CCNY: variants seen among roughly 807,000 people sequenced by gnomAD.
The protein encoded by CCNY is cyclin-Y.
Under a neutral mutation model 42.8 loss-of-function variants are expected in CCNY, and 19 were observed. The observed-to-expected ratio is 0.44, with a 90% confidence interval of 0.31 to 0.65. The LOEUF (loss-of-function observed/expected upper bound fraction) is 0.65. Ranked by LOEUF, CCNY falls within the 30% of genes least tolerant of loss-of-function variation. The pLI, the probability that CCNY is intolerant of heterozygous loss-of-function variation, is 0.07. For synonymous variants in CCNY, 165 were observed against 162.7 expected (o/e 1.01, Z -0.11); for missense variants, 370 against 437.3 (o/e 0.85, Z 1.37).
Position 35,571,409 on chromosome 10 carries a change from C to A in CCNY, c.*2239C>A, listed in dbSNP as rs1220713618. On this transcript the variant is annotated 3_prime_UTR_variant, in exon 10 of 10. Coordinates refer to ENST00000374704, the MANE Select transcript of CCNY (RefSeq NM_145012.6). ...GGATTCCATAAAACCAGACTCAAGT[C>A]TTGTTTAGACTACTGAATACTGTTT... 1 of 152,296 alleles carries A rather than the reference C, an allele frequency of 6.6e-6. No individual in the cohort carries two copies. Among genetic ancestry groups the A allele is most frequent in the Non-Finnish European group, 1.5e-5 (1 of 68,030 alleles). 9.4% of individuals were successfully genotyped at this position (152,296 alleles called of 1,614,324 possible). A position where few individuals can be genotyped will look rare whatever the true frequency, so the allele number is the denominator to read the frequency against.
intron 1 of CCNY, among the ~76,000 whole-genome samples, chr10:35,341,328 G>A (rs1278752570): frequency 6.6e-6 from 1 of 152,166 alleles, no homozygotes; most frequent in Admixed American, 6.5e-5. Context: ...CTTGGTTCAA[G>A]CCTGACCTTT....
At chr10:35,404,778 G>A (rs1025663429) in intron 1 of CCNY, among the ~76,000 whole-genome samples, 4 of 152,148 alleles carry the variant, frequency 2.6e-5, no homozygotes, top group Non-Finnish European at 5.9e-5. Flanking sequence ...GGGAGAACAC[G>A]TATGTTTTAA....
chr10:35,286,561 G>T (rs1256034092), intron 3 of CCNY, among the ~76,000 whole-genome samples: 1 of 150,858 alleles, frequency 6.6e-6, no homozygotes, highest in Non-Finnish European at 1.5e-5. Context: ...GTTTCGCCAT[G>T]TTGGCCATGG....
chr10:35,362,598 A>G (rs577312669), intron 1 of CCNY, among the ~76,000 whole-genome samples: 98 of 152,226 alleles, frequency 6.4e-4, no homozygotes, highest in Non-Finnish European at 9.7e-4. Flanking sequence ...TTAATTCTCC[A>G]ATTTAAAACT....
intron 1 of CCNY, among the ~76,000 whole-genome samples, chr10:35,408,929 C>T (rs1759492678): frequency 6.6e-6 from 1 of 151,694 alleles, no homozygotes; most frequent in Non-Finnish European, 1.5e-5. Context: ...CCTCCCATTA[C>T]CCTGCTCAAT....
At chr10:35,313,428 T>A (rs1835713027) in intron 3 of CCNY, among the ~76,000 whole-genome samples, 1 of 152,068 alleles carries the variant, frequency 6.6e-6, no homozygotes. Context: ...TTCAGGTCTC[T>A]TTGCGCATGT....
intron 1 of CCNY, among the ~76,000 whole-genome samples, chr10:35,451,379 C>T (rs1193855327): frequency 3.3e-5 from 5 of 152,186 alleles, no homozygotes. Context: ...TATACTTGGG[C>T]ACTTGTAAAT....
chr10:35,339,912 T>C (rs1836135975), intron 1 of CCNY, among the ~76,000 whole-genome samples: 1 of 152,214 alleles, frequency 6.6e-6, no homozygotes, highest in African/African-American at 2.4e-5. Context: ...TTATTTCTTA[T>C]AAAATCATTC....
At chr10:35,399,748 A>C (rs770339615) in intron 1 of CCNY, among the ~76,000 whole-genome samples, 36 of 152,312 alleles carry the variant, frequency 2.4e-4, no homozygotes, top group South Asian at 1.2e-3. Flanking sequence ...GAGTACTGAT[A>C]GGGAGATACA....
At chr10:35,337,706 T>C (rs1836079015) in intron 1 of CCNY, among the ~76,000 whole-genome samples, 2 of 151,864 alleles carry the variant, frequency 1.3e-5, no homozygotes, top group Non-Finnish European at 2.9e-5. Flanking sequence ...ACAAATGGAC[T>C]CCACTTCCCC....
intron 8 of CCNY, among the ~76,000 whole-genome samples, chr10:35,564,195 A>G (rs1377081749): frequency 1.3e-5 from 2 of 148,298 alleles, no homozygotes; most frequent in East Asian, 2.0e-4. Flanking sequence ...TCTTAAAACT[A>G]TGAAATTTAG....
intron 7 of CCNY, among the ~76,000 whole-genome samples, chr10:35,542,084 TTTC>T (rs1841014051): frequency 6.7e-6 from 1 of 149,134 alleles, no homozygotes; most frequent in East Asian, 2.0e-4. Flanking sequence ...CAGCATCCCT[TTTC>T]TTCTTTAGGA....
At chr10:35,274,873 C>G (rs1237814247) in intron 3 of CCNY, among the ~76,000 whole-genome samples, 8 of 152,100 alleles carry the variant, frequency 5.3e-5, no homozygotes, top group Non-Finnish European at 1.0e-4. Flanking sequence ...GCAGCTGCTG[C>G]TGGGGCTGCC....
chr10:35,526,556 C>A (rs1355272176), intron 5 of CCNY, among the ~76,000 whole-genome samples: 1 of 152,050 alleles, frequency 6.6e-6, no homozygotes. Context: ...ATTCATTTGC[C>A]AGTTTTTAAA....
At chr10:35,533,781 A>G (rs1391869573) in intron 7 of CCNY, among the ~76,000 whole-genome samples, 2 of 152,212 alleles carry the variant, frequency 1.3e-5, no homozygotes, top group African/African-American at 4.8e-5. Context: ...TGCGTAAGAA[A>G]TGTCTGGTCT....
chr10:35,468,399 ATAGACGTGTGTG>A (rs1564423049), intron 1 of CCNY, among the ~76,000 whole-genome samples: 1 of 152,218 alleles, frequency 6.6e-6, no homozygotes, highest in African/African-American at 2.4e-5. Flanking sequence ...GCATGCATGT[ATAGACGTGTGTG>A]TATATGTGTG....
intron 3 of CCNY, among the ~76,000 whole-genome samples, chr10:35,275,365 C>T (rs1208286315): frequency 3.9e-5 from 6 of 151,900 alleles, no homozygotes; most frequent in African/African-American, 9.7e-5. Context: ...TGCGCCCAGT[C>T]GATTCACTGT....
At chr10:35,451,644 A>G (rs1380178283) in intron 1 of CCNY, among the ~76,000 whole-genome samples, 2 of 152,222 alleles carry the variant, frequency 1.3e-5, no homozygotes, top group African/African-American at 4.8e-5. Context: ...CAGTGTTACC[A>G]GGCGGGTTGA....
At chr10:35,354,760 A>C (rs939419667) in intron 1 of CCNY, among the ~76,000 whole-genome samples, 1 of 152,128 alleles carries the variant, frequency 6.6e-6, no homozygotes, top group Non-Finnish European at 1.5e-5. Flanking sequence ...TTTCATGGAG[A>C]CAAAGGGTGA....
Sources: allele counts gnomAD v4.1 joint callset (sites outside exome capture counted in the v4.1 genomes callset), GRCh38; gene constraint gnomAD v4.1.1; transcripts MANE v1.5; gene names NCBI Gene and HGNC (gene_info 2026-07-23, HGNC 2026-07-21).